The following PLD1 variants were observed in gnomAD, a reference collection of about 807,000 sequenced individuals.
PLD1 encodes the protein phospholipase D1, also known as choline phosphatase 1.
Under a neutral mutation model 137.1 loss-of-function variants are expected in PLD1, and 112 were observed. That is an observed-to-expected ratio of 0.82 (90% CI 0.70 to 0.96). PLD1 has a LOEUF of 0.96. Ranked by LOEUF, PLD1 falls within the 40% of genes least tolerant of loss-of-function variation. PLD1 has a pLI of 0.00. For missense variants in PLD1, 1,321 were observed against 1,342.0 expected, an observed-to-expected ratio of 0.98 and a Z score of 0.24; for synonymous variants, 431 against 454.7, an observed-to-expected ratio of 0.95 and a Z score of 0.66.
rs551977457 is a variant in PLD1, at chr3:171,800,065, A to G, written c.-32+10334T>C. On this transcript the variant is annotated intron_variant, in intron 1 of 26. Transcript: ENST00000351298. ...AGGTTTTACTTAATAATGCATCTAT[A>G]TTTGTTCATTAATTATAACAAATGT... 2.4e-4 allele frequency among the ~76,000 whole-genome samples: 37 copies of G among 152,326 alleles called. 2 individuals carry two copies. In the South Asian group the frequency reaches 7.7e-3, roughly 32 times the overall value.
At chr3:171,615,926 A>G (rs1733070324) in intron 24 of PLD1, among the ~76,000 whole-genome samples, 1 of 152,208 alleles carries the variant, frequency 6.6e-6, no homozygotes, top group South Asian at 2.1e-4. Context: ...ACTAGGTAAC[A>G]CCAGAATGTT....
chr3:171,736,131 T>A (rs1291600549), intron 3 of PLD1, among the ~76,000 whole-genome samples: 2 of 152,116 alleles, frequency 1.3e-5, no homozygotes, highest in Admixed American at 1.3e-4. Flanking sequence ...CATTCCAAGG[T>A]CCAGCCTTGT....
intron 6 of PLD1, among the ~76,000 whole-genome samples, chr3:171,731,577 C>T (rs868008834): frequency 6.6e-6 from 1 of 151,898 alleles, no homozygotes; most frequent in Non-Finnish European, 1.5e-5. Context: ...GTCAAGGGAT[C>T]GAAATCATCC....
chr3:171,691,847 A>AT (rs11375502), intron 13 of PLD1, among the ~76,000 whole-genome samples: 70,762 of 151,896 alleles, frequency 0.47, 16,926 homozygotes, highest in African/African-American at 0.55. Context: ...GGTTTTAGAT[A>AT]TTGGCAAAAT....
chr3:171,626,651 C>T (rs978336793), intron 23 of PLD1, among the ~76,000 whole-genome samples: 3 of 151,762 alleles, frequency 2.0e-5, no homozygotes, highest in African/African-American at 4.9e-5. Context: ...AACAGCGGAT[C>T]TCTCAGCAGA....
Position 171,623,384 on chromosome 3 carries a change from G to A in PLD1, c.2594-2864C>T, listed in dbSNP as rs9878033. Among the ~76,000 whole-genome samples, 1,150 of 145,534 alleles carry A rather than the reference G, an allele frequency of 7.9e-3. 18 individuals are homozygous for A. The highest frequency in any genetic ancestry group is 0.024 in the African/African-American group (922 of 38,974). On this transcript the variant is annotated intron_variant, in intron 23 of 26. Coordinates refer to ENST00000351298, the MANE Select transcript of PLD1 (RefSeq NM_002662.5). The stretch of plus-strand genomic sequence containing the variant: ...GGCTGGAGTGCAGTGGCGTGATCTC[G>A]ACTCACTGCAAGCTCCGCCTCCCGG...
At chr3:171,645,921 C>T (rs1736172474) in intron 21 of PLD1, among the ~76,000 whole-genome samples, 1 of 150,590 alleles carries the variant, frequency 6.6e-6, no homozygotes. Context: ...TCTGAGTGGC[C>T]AGTATGTATA....
At chr3:171,639,214 C>T (rs1735423584) in intron 23 of PLD1, among the ~76,000 whole-genome samples, 1 of 140,100 alleles carries the variant, frequency 7.1e-6, no homozygotes, top group East Asian at 2.1e-4. Flanking sequence ...TTATATATAG[C>T]ACATAAAATA....
At chr3:171,743,312 A>C (rs1016306899) in intron 1 of PLD1, among the ~76,000 whole-genome samples, 2 of 152,216 alleles carry the variant, frequency 1.3e-5, no homozygotes, top group African/African-American at 4.8e-5. Flanking sequence ...CAAAACTAAC[A>C]TACCATCTTG....
At chr3:171,609,778 G>A (rs1185022318) in intron 25 of PLD1, among the ~76,000 whole-genome samples, 1 of 152,090 alleles carries the variant, frequency 6.6e-6, no homozygotes, top group Non-Finnish European at 1.5e-5. Context: ...AGTGAAGGAT[G>A]AGAAATCACC....
chr3:171,719,649 T>A (rs966460845), intron 8 of PLD1, among the ~76,000 whole-genome samples: 2 of 152,258 alleles, frequency 1.3e-5, no homozygotes, highest in African/African-American at 2.4e-5. Context: ...TGTACCACCC[T>A]AATAAATGCT....
chr3:171,690,482 T>C (rs1715039987), intron 13 of PLD1, among the ~76,000 whole-genome samples: 1 of 152,192 alleles, frequency 6.6e-6, no homozygotes, highest in African/African-American at 2.4e-5. Flanking sequence ...CTTGCAAGTA[T>C]AGCTGTAAAT....
At chr3:171,772,983 G>A (rs980506439) in intron 1 of PLD1, among the ~76,000 whole-genome samples, 10 of 152,070 alleles carry the variant, frequency 6.6e-5, no homozygotes, top group Non-Finnish European at 1.5e-4. Context: ...ATACTCCTGG[G>A]AGACCAACAC....
At chr3:171,801,798 G>A (rs73176194) in intron 1 of PLD1, among the ~76,000 whole-genome samples, 4,753 of 152,140 alleles carry the variant, frequency 0.031, 117 homozygotes, top group African/African-American at 0.037. Context: ...AAACCACCCC[G>A]GTAGAACTCA....
At chr3:171,809,267 C>T (rs1724014861) in intron 1 of PLD1, 1 of 152,250 alleles carries the variant, frequency 6.6e-6, no homozygotes, top group South Asian at 2.1e-4. Context: ...TGTACAAATT[C>T]ATTTGTGTGT....
intron 21 of PLD1, 100 bp downstream of exon 21, chr3:171,659,113 G>T: frequency 3.7e-6 from 3 of 801,794 alleles, no homozygotes; most frequent in African/African-American, 1.7e-5. Flanking sequence ...AATTTAAGCT[G>T]CTAGGAAATG....
At chr3:171,683,739 T>C (rs1044557886) in intron 16 of PLD1, among the ~76,000 whole-genome samples, 4 of 152,218 alleles carry the variant, frequency 2.6e-5, no homozygotes, top group African/African-American at 9.6e-5. Context: ...ACAGTTCCCA[T>C]CCTTACCCTC....
chr3:171,808,820 T>TTTTTTTTTTTTTATTTTTA (rs1723984546), intron 1 of PLD1, among the ~76,000 whole-genome samples: 1 of 66,548 alleles, frequency 1.5e-5, no homozygotes, highest in African/African-American at 5.2e-5. Flanking sequence ...ATTCAATTTT[T>TTTTTTTTTTTTTATTTTTA]TTTTTTTTTT....
intron 5 of PLD1, among the ~76,000 whole-genome samples, chr3:171,734,370 AG>A (rs1395887565): frequency 6.6e-6 from 1 of 152,232 alleles, no homozygotes; most frequent in African/African-American, 2.4e-5. Flanking sequence ...GAAGCAGAGC[AG>A]GCAGAAGTGC....
Sources: gnomAD v4.1 joint callset for allele counts (sites outside exome capture counted in the v4.1 genomes callset) on GRCh38, gnomAD v4.1.1 for gene constraint, MANE v1.5 for transcripts, NCBI Gene and HGNC (gene_info 2026-07-23, HGNC 2026-07-21) for gene names.